ANOS1: variants seen among roughly 807,000 people sequenced by gnomAD.
The protein encoded by ANOS1 is anosmin 1, also known as anosmin-1.
In ANOS1, 6 loss-of-function variants were observed where a neutral mutation model predicts 59.0. The observed-to-expected ratio is 0.10, with a 90% confidence interval of 0.06 to 0.20. ANOS1 has a LOEUF of 0.20. Among genes scored for constraint, ANOS1 ranks in the 10% least tolerant of loss-of-function variants. The pLI, the probability that ANOS1 is intolerant of heterozygous loss-of-function variation, is 1.00. For synonymous variants in ANOS1, 217 were observed against 223.4 expected (o/e 0.97, Z 0.25); for missense variants, 433 against 542.3 (o/e 0.80, Z 2.00).
intron 2 of ANOS1, among the ~76,000 whole-genome samples, chrX:8,670,737 T>C (rs766660158): frequency 8.9e-6 from 1 of 111,761 alleles, no homozygotes; most frequent in African/African-American, 3.2e-5. Context: ...GTAGCTCCCC[T>C]TGATATAATC....
intron 5 of ANOS1, among the ~76,000 whole-genome samples, chrX:8,586,508 A>C (rs1338650222): frequency 1.8e-5 from 2 of 112,217 alleles, no homozygotes. Flanking sequence ...ATGTAGCACT[A>C]ACAGTAAAAA....
chrX:8,695,827 T>C (rs2146896477), intron 2 of ANOS1, among the ~76,000 whole-genome samples: 1 of 110,232 alleles, frequency 9.1e-6, no homozygotes, highest in East Asian at 2.9e-4. Context: ...AATGAGAAAA[T>C]CACTGGCTTT....
At chrX:8,690,339 A>T (rs959381808) in intron 2 of ANOS1, among the ~76,000 whole-genome samples, 5 of 112,365 alleles carry the variant, frequency 4.4e-5, no homozygotes, top group Non-Finnish European at 9.4e-5. Flanking sequence ...TGGACAACAG[A>T]TGCTTGGTGA....
At chrX:8,588,053 A>G (rs1930551436) in intron 4 of ANOS1, 75 bp from the exon 5 acceptor site, 8 of 904,493 alleles carry the variant, frequency 8.8e-6, no homozygotes, top group Non-Finnish European at 1.1e-5. Context: ...AAGAACAAAT[A>G]TGGAAGAGAT....
rs958807238 is a variant in ANOS1, at chrX:8,693,688, T to A, written c.255+6010A>T. The stretch of plus-strand genomic sequence containing the variant: ...AAGTAAGGGGGAGAAGGTGGTTATG[T>A]CCCCATTGGTACAGTAATGGGGACT... On this transcript the variant is annotated intron_variant, in intron 2 of 13. Transcript: ENST00000262648. Among the ~76,000 whole-genome samples, 5 of 108,278 alleles carry A rather than the reference T, an allele frequency of 4.6e-5. No individual in the cohort carries two copies. The Admixed American group carries it at 5.0e-4, about 11-fold the overall frequency. The allele number at this position is 108,278 out of a possible 115,157, so 94.0% of individuals were successfully genotyped here.
rs368537227 is a variant in ANOS1, at chrX:8,585,368, T to A, written c.755A>T (p.Asp252Val). 8.3e-7 allele frequency: 1 copy of A among 1,209,726 alleles called. No individual in the cohort carries two copies. Among genetic ancestry groups the A allele is most frequent in the African/African-American group, 1.7e-5 (1 of 57,192 alleles). ...CTGGTACCATCGGCTGGGTCTTATG[T>A]CAGTCAGTTGAACTCGCTCGTCTGT... ...QTTDERVQLTDIRPSRWYQFR... is the reference protein window; with the variant it reads ...QTTDERVQLTVIRPSRWYQFR... The change falls in exon 6 of 14, where the codon GAC (aspartate) becomes GTC (valine). Residue 252 changes from aspartate to valine, a missense_variant. Transcript: ENST00000262648.
At chrX:8,604,252 C>A (rs1030203468) in intron 3 of ANOS1, among the ~76,000 whole-genome samples, 1 of 111,225 alleles carries the variant, frequency 9.0e-6, no homozygotes, top group African/African-American at 3.3e-5. Context: ...TTAGAATTTC[C>A]CAGGGAGCTT....
rs201050316 is a variant in ANOS1, at chrX:8,597,197, G to A, written c.378C>T (p.Ile126=). 5.0e-6 allele frequency: 6 copies of A among 1,209,953 alleles called. No homozygotes were observed. The African/African-American group carries it at 1.0e-4, about 21-fold the overall frequency. Residue 126 remains isoleucine, a synonymous_variant, in exon 4 of 14, where the codon ATC becomes ATT. Coordinates refer to ENST00000262648, the MANE Select transcript of ANOS1 (RefSeq NM_000216.4). Reference sequence around the variant, plus strand: ...GACAGTCCCCCTGCTTCACCAACAGGATGTATTTGAGGAACTCACAGCTGG... The same window carrying A: ...GACAGTCCCCCTGCTTCACCAACAGAATGTATTTGAGGAACTCACAGCTGG... ...CLTSCEFLKY[I]LLVKQGDCPA...
intron 2 of ANOS1, among the ~76,000 whole-genome samples, chrX:8,647,541 C>T (rs909302578): frequency 8.9e-6 from 1 of 111,819 alleles, no homozygotes; most frequent in African/African-American, 3.3e-5. Flanking sequence ...TATAGCAAGT[C>T]GCACTAACAC....
At chrX:8,632,366 A>G (rs1463707679) in intron 2 of ANOS1, among the ~76,000 whole-genome samples, 1 of 112,682 alleles carries the variant, frequency 8.9e-6, no homozygotes, top group Non-Finnish European at 1.9e-5. Flanking sequence ...GTGTCTACAC[A>G]TAGTAGGTAC....
At position 8,533,083 on chromosome X, in the gene ANOS1, T is replaced by A. The variant is rs763442393; in HGVS notation, c.1985-30A>T. The A allele has an allele frequency of 2.1e-5, 18 of 874,613 alleles. No individual in the cohort carries two copies. The African/African-American group carries it at 2.9e-4, about 14-fold the overall frequency. The allele number at this position is 874,613 out of a possible 1,213,427, so 72.1% of individuals were successfully genotyped here. A position where few individuals can be genotyped will look rare whatever the true frequency, so the allele number is the denominator to read the frequency against. The stretch of plus-strand genomic sequence containing the variant: ...AAAGTGACAAAATATGTCAGTCACA[T>A]CCATTTGTATGTATCAAATAAATGA... On this transcript the variant is annotated intron_variant, in intron 13 of 13. Transcript: ENST00000262648.
At chrX:8,681,356 T>A (rs5978259) in intron 2 of ANOS1, among the ~76,000 whole-genome samples, 56,153 of 110,651 alleles carry the variant, frequency 0.51, 11,000 homozygotes, top group African/African-American at 0.72. Flanking sequence ...TTTACCTAGA[T>A]ATTTTATATA....
intron 6 of ANOS1, among the ~76,000 whole-genome samples, chrX:8,572,561 T>C (rs1197751156): frequency 8.9e-6 from 1 of 112,220 alleles, no homozygotes; most frequent in African/African-American, 3.2e-5. Flanking sequence ...TCATTCCATG[T>C]CTTTGCTATT....
At chrX:8,622,473 T>C (rs1931309557) in intron 3 of ANOS1, among the ~76,000 whole-genome samples, 1 of 112,262 alleles carries the variant, frequency 8.9e-6, no homozygotes, top group Non-Finnish European at 1.9e-5. Context: ...CTATAGTGGA[T>C]GAAGACCAGA....
At chrX:8,670,931 C>G (rs1392919366) in intron 2 of ANOS1, among the ~76,000 whole-genome samples, 1 of 110,941 alleles carries the variant, frequency 9.0e-6, no homozygotes, top group Non-Finnish European at 1.9e-5. Context: ...TTGTATCCAA[C>G]CCTGGCCAAT....
At chrX:8,641,855 GT>G (rs371529093) in intron 2 of ANOS1, among the ~76,000 whole-genome samples, 6,682 of 111,267 alleles carry the variant, frequency 0.06, 409 homozygotes, top group African/African-American at 0.19. Context: ...ATTCTGCCGG[GT>G]TTTTTTCCCC....
At chrX:8,682,270 A>C (rs139203749) in intron 2 of ANOS1, among the ~76,000 whole-genome samples, 1,561 of 109,232 alleles carry the variant, frequency 0.014, 27 homozygotes, top group African/African-American at 0.051. Context: ...CCTGGGACTA[A>C]AGGAAGATAA....
intron 3 of ANOS1, among the ~76,000 whole-genome samples, chrX:8,608,513 T>C (rs1438913116): frequency 8.9e-6 from 1 of 112,041 alleles, no homozygotes; most frequent in African/African-American, 3.2e-5. Flanking sequence ...AAATCTCATA[T>C]TTTACCTCTT....
chrX:8,678,989 C>G (rs1230149395), intron 2 of ANOS1, among the ~76,000 whole-genome samples: 1 of 111,569 alleles, frequency 9.0e-6, no homozygotes, highest in East Asian at 2.8e-4. Flanking sequence ...CACCCAAACT[C>G]CACGGCTCAT....
Sources: gnomAD v4.1 joint callset for allele counts (sites outside exome capture counted in the v4.1 genomes callset) on GRCh38, gnomAD v4.1.1 for gene constraint, MANE v1.5 for transcripts, NCBI Gene and HGNC (gene_info 2026-07-23, HGNC 2026-07-21) for gene names.